Variants in MCM6 observed in about 807,000 individuals in gnomAD.
MCM6 encodes DNA replication licensing factor MCM6.
Under a neutral mutation model 94.3 loss-of-function variants are expected in MCM6, and 46 were observed. That is an observed-to-expected ratio of 0.49 (90% CI 0.39 to 0.62). The LOEUF (loss-of-function observed/expected upper bound fraction) is 0.62, where lower values mean the gene tolerates loss of function less well. Ranked by LOEUF, MCM6 falls within the 20% of genes least tolerant of loss-of-function variation. The probability of loss-of-function intolerance (pLI) is 0.00; values close to 1 mark genes in which losing one functional copy is unlikely to be tolerated. For synonymous variants in MCM6, 335 were observed against 351.9 expected (o/e 0.95, Z 0.54); for missense variants, 865 against 1,017.9 (o/e 0.85, Z 2.04).
At chr2:135,864,581 A>T (rs546299130) in intron 7 of MCM6, among the ~76,000 whole-genome samples, 1 of 152,358 alleles carries the variant, frequency 6.6e-6, no homozygotes, top group South Asian at 2.1e-4. Flanking sequence ...AAGGCCAGGA[A>T]ATAAGATGAC....
intron 6 of MCM6, among the ~76,000 whole-genome samples, chr2:135,865,790 A>T (rs1345743862): frequency 6.6e-6 from 1 of 152,116 alleles, no homozygotes; most frequent in Non-Finnish European, 1.5e-5. Context: ...TCTTAACCCC[A>T]TCCCGTGCTC....
chr2:135,840,753 C>A lies in MCM6; in HGVS notation c.*82G>T. 4 of 910,398 alleles carry A rather than the reference C, an allele frequency of 4.4e-6. No individual in the cohort carries two copies. Among genetic ancestry groups the A allele is most frequent in the Non-Finnish European group, 7.3e-6 (4 of 550,184 alleles). 56.4% of individuals were successfully genotyped at this position (910,398 alleles called of 1,614,324 possible). The stretch of plus-strand genomic sequence containing the variant: ...GCATCACTTCCAGAAACACTTCTGT[C>A]CCTAGCAGAGCTCCAGCCAGGCTCC... On this transcript the variant is annotated 3_prime_UTR_variant, in exon 17 of 17. Transcript: ENST00000264156.
chr2:135,866,243 A>G lies in MCM6; in HGVS notation c.816T>C (p.Gly272=), dbSNP rs749489415. 2.2e-5 allele frequency: 35 copies of G among 1,613,954 alleles called. 2 individuals carry two copies. In the South Asian group the frequency reaches 3.8e-4, roughly 18 times the overall value. The stretch of plus-strand genomic sequence containing the variant: ...TGCCTTCTGTCTCATATCCATCAAC[A>G]CCACTGACACGGGAATTAGTTTCTG... ...ARAETNSRVS[G]VDGYETEGIR... The change falls in exon 6 of 17, where the codon GGT becomes GGC. Residue 272 remains glycine, a synonymous_variant. Coordinates refer to ENST00000264156, the MANE Select transcript of MCM6 (RefSeq NM_005915.6).
At chr2:135,859,497 C>G in intron 8 of MCM6, 55 bp from the exon 9 acceptor site, 1 of 1,247,788 alleles carries the variant, frequency 8.0e-7, no homozygotes, top group Non-Finnish European at 1.1e-6. Flanking sequence ...CAGCACCCTT[C>G]CCAGGAAAAC....
intron 13 of MCM6, among the ~76,000 whole-genome samples, 164 bp downstream of exon 13, chr2:135,851,238 C>T (rs1029516450): frequency 4.6e-5 from 7 of 152,222 alleles, no homozygotes; most frequent in African/African-American, 1.4e-4. Flanking sequence ...CACTCAAATG[C>T]TTACCAAGCT....
intron 13 of MCM6, among the ~76,000 whole-genome samples, chr2:135,849,505 T>C (rs1384963262): frequency 6.6e-6 from 1 of 152,220 alleles, no homozygotes; most frequent in Non-Finnish European, 1.5e-5. Flanking sequence ...ATAAATAGAA[T>C]GTTATACTGA....
chr2:135,861,907 C>T (rs980462189), intron 8 of MCM6, among the ~76,000 whole-genome samples: 2 of 152,204 alleles, frequency 1.3e-5, no homozygotes, highest in African/African-American at 4.8e-5. Context: ...TGAGCCATGG[C>T]ACCCGGCCAG....
At chr2:135,866,486 A>G (rs1680097095) in intron 5 of MCM6, 77 bp downstream of exon 5, 1 of 1,490,330 alleles carries the variant, frequency 6.7e-7, no homozygotes, top group Non-Finnish European at 9.1e-7. Flanking sequence ...AAAGAAGACA[A>G]TGAAGATGTG....
chr2:135,848,313 G>C, intron 13 of MCM6, 125 bp from the exon 14 acceptor site: 3 of 603,958 alleles, frequency 5.0e-6, no homozygotes, highest in Non-Finnish European at 8.7e-6. Flanking sequence ...TCACAGTGTT[G>C]CTTTGGTTTT....
At chr2:135,841,011 T>C (rs1558751808) in intron 16 of MCM6, 60 bp from the exon 17 acceptor site, 1 of 1,201,732 alleles carries the variant, frequency 8.3e-7, no homozygotes, top group Non-Finnish European at 1.2e-6. Context: ...TGTCCAGATA[T>C]ACAAGACTTG....
In MCM6 at chr2:135,859,297, T is replaced by C; in HGVS notation, c.1362+4A>G. 6.2e-7 allele frequency: 1 copy of C among 1,611,678 alleles called. No homozygotes were observed. The highest frequency in any genetic ancestry group is 8.5e-7 in the Non-Finnish European group (1 of 1,178,476). ...TTATACTGAAGAGTGTAAAATGTTCTTACATTATCAGCCAACATCAAAGCT... is the reference window on the plus strand; with the variant it reads ...TTATACTGAAGAGTGTAAAATGTTCCTACATTATCAGCCAACATCAAAGCT... On this transcript the variant is annotated splice_donor_region_variant and intron_variant, in intron 9 of 16. Transcript: ENST00000264156.
intron 1 of MCM6, among the ~76,000 whole-genome samples, chr2:135,875,893 C>G (rs533250729): frequency 6.6e-6 from 1 of 152,244 alleles, no homozygotes; most frequent in Non-Finnish European, 1.5e-5. Flanking sequence ...GCCTCCCACT[C>G]GACCTGGCCG....
intron 16 of MCM6, among the ~76,000 whole-genome samples, chr2:135,843,512 C>A (rs1052879357): frequency 6.6e-6 from 1 of 151,844 alleles, no homozygotes; most frequent in Non-Finnish European, 1.5e-5. Flanking sequence ...GTGAGCGTAT[C>A]GCCTGAGGTT....
At chr2:135,867,013 T>C (rs1680104967) in intron 4 of MCM6, among the ~76,000 whole-genome samples, 1 of 152,320 alleles carries the variant, frequency 6.6e-6, no homozygotes, top group African/African-American at 2.4e-5. Context: ...ATAATTTTTT[T>C]CTTTGTTCAA....
Position 135,839,982 on chromosome 2 carries a change from A to G in MCM6, c.*853T>C, listed in dbSNP as rs529157813. On this transcript the variant is annotated 3_prime_UTR_variant, in exon 17 of 17. Transcript: ENST00000264156. ...TGTTGTTAAAAGCTGCAACACAGGA[A>G]CTGCTCCACCTCATGAACATACTGA... The G allele has an allele frequency of 6.6e-6, 1 of 152,322 alleles. No individual in the cohort carries two copies. Among genetic ancestry groups the G allele is most frequent in the Non-Finnish European group, 1.5e-5 (1 of 68,030 alleles). 9.4% of individuals were successfully genotyped at this position (152,322 alleles called of 1,614,324 possible).
intron 11 of MCM6, among the ~76,000 whole-genome samples, chr2:135,854,883 G>A (rs560284599): frequency 2.6e-5 from 4 of 152,102 alleles, no homozygotes; most frequent in South Asian, 4.2e-4. Flanking sequence ...AGCCGGGCGC[G>A]GTGGCTCACA....
chr2:135,862,621 C>G lies in MCM6; in HGVS notation c.1206G>C (p.Lys402Asn). 5 of 1,614,190 alleles carry G rather than the reference C, an allele frequency of 3.1e-6. No individual in the cohort carries two copies. The highest frequency in any genetic ancestry group is 4.2e-6 in the Non-Finnish European group (5 of 1,180,036). Residue 402 changes from lysine (K) to asparagine (N), a missense_variant, in exon 8 of 17, where the codon AAG (lysine) becomes AAC (asparagine). Physicochemically the swap from Lys to Asn is moderately conservative, Grantham distance 94. This residue lies in a region of MCM6 where 153 missense variants were observed against 241.5 expected (regional missense o/e 0.63). Transcript: ENST00000264156. ...CAAACGCTTACTTGAGAAATTGGCT[C>G]TTAGCTGTACTTGGGTCACCAACAA... is the stretch of plus-strand genomic sequence containing the variant. ...VCIVGDPSTA[K>N]SQFLKHVEEF...
intron 1 of MCM6, among the ~76,000 whole-genome samples, chr2:135,875,039 T>A (rs1648327833): frequency 6.6e-6 from 1 of 151,932 alleles, no homozygotes; most frequent in African/African-American, 2.4e-5. Flanking sequence ...GGAGGAGAGT[T>A]CGTGTTTAAT....
At chr2:135,870,140 A>G in intron 3 of MCM6, 111 bp downstream of exon 3, 1 of 716,482 alleles carries the variant, frequency 1.4e-6, no homozygotes, top group Non-Finnish European at 2.5e-6. Context: ...TATAATGTTA[A>G]ATAGCCAGCT....
Sources: gnomAD v4.1 joint callset for allele counts (sites outside exome capture counted in the v4.1 genomes callset) on GRCh38, gnomAD v4.1.1 for gene constraint, gnomAD v4.1.1 regional missense constraint, MANE v1.5 for transcripts, NCBI Gene and HGNC (gene_info 2026-07-23, HGNC 2026-07-21) for gene names.